The following ARHGAP32 variants were observed in gnomAD, a reference collection of about 807,000 sequenced individuals.
ARHGAP32 encodes Rho GTPase activating protein 32, also known as rho GTPase-activating protein 32.
ARHGAP32 carries 51 observed loss-of-function variants against 186.5 expected under a neutral mutation model. The observed-to-expected ratio is 0.27, with a 90% CI of 0.22 to 0.35. The LOEUF (loss-of-function observed/expected upper bound fraction) is 0.35, where lower values mean the gene tolerates loss of function less well. Ranked by LOEUF, ARHGAP32 falls within the 10% of genes least tolerant of loss-of-function variation. The pLI is 1.00. For synonymous variants in ARHGAP32, 950 were observed against 964.3 expected, an observed-to-expected ratio of 0.99 and a Z score of 0.27; for missense variants, 2,186 against 2,623.5, an observed-to-expected ratio of 0.83 and a Z score of 3.64.
intron 6 of ARHGAP32, among the ~76,000 whole-genome samples, chr11:129,070,691 A>T (rs1591587262): frequency 6.6e-6 from 1 of 152,094 alleles, no homozygotes; most frequent in East Asian, 1.9e-4. Flanking sequence ...CTTTTCTGTG[A>T]GTCTAAAATC....
intron 12 of ARHGAP32, among the ~76,000 whole-genome samples, chr11:128,994,184 C>T (rs483869): frequency 0.31 from 47,407 of 150,956 alleles, 7,706 homozygotes; most frequent in Non-Finnish European, 0.36. Flanking sequence ...GATGGAGTCT[C>T]GCTCTTGTTG....
intron 1 of ARHGAP32, among the ~76,000 whole-genome samples, chr11:129,235,699 C>T (rs2135649509): frequency 6.6e-6 from 1 of 152,144 alleles, no homozygotes; most frequent in East Asian, 1.9e-4. Flanking sequence ...TTTATCTCTC[C>T]CCCTTCCCCA....
At chr11:129,110,843 G>A (rs964009839) in intron 5 of ARHGAP32, among the ~76,000 whole-genome samples, 1 of 152,072 alleles carries the variant, frequency 6.6e-6, no homozygotes, top group African/African-American at 2.4e-5. Context: ...AGTCTTTAAG[G>A]TTTTCCTTAA....
In ARHGAP32 at chr11:129,123,583, TA is replaced by T; in HGVS notation, c.360-54del. 7.9e-6 allele frequency: 12 copies of T among 1,512,110 alleles called. No individual in the cohort carries two copies. The highest frequency in any genetic ancestry group is 9.1e-6 in the Non-Finnish European group (10 of 1,094,538). 93.7% of individuals were successfully genotyped at this position (1,512,110 alleles called of 1,614,324 possible). A position where few individuals can be genotyped will look rare whatever the true frequency, so the allele number is the denominator to read the frequency against. On this transcript the variant is annotated intron_variant, in intron 4 of 22. Transcript: ENST00000682385. This position sits in a 1 kb window ranked among gnomAD's most constrained non-coding sequence, Gnocchi z 4.6. ...GAGATAGTGAAACAGTAAAAATTAC[TA>T]AGTTTAAGGGAAAAATACAGTGGAT...
intron 2 of ARHGAP32, among the ~76,000 whole-genome samples, chr11:129,145,141 C>G (rs1208129795): frequency 6.6e-6 from 1 of 151,878 alleles, no homozygotes; most frequent in Non-Finnish European, 1.5e-5. Context: ...ATAATTTTAC[C>G]AGACATTTTA....
At chr11:128,981,783 ATTT>A (rs1945712831) in intron 16 of ARHGAP32, 43 bp downstream of exon 16, 2 of 1,379,774 alleles carry the variant, frequency 1.4e-6, no homozygotes, top group Admixed American at 3.8e-5. Context: ...TCAGCCTTTT[ATTT>A]AGGATTAGTT....
chr11:129,043,299 A>T (rs1415954491), intron 10 of ARHGAP32, among the ~76,000 whole-genome samples: 1 of 150,538 alleles, frequency 6.6e-6, no homozygotes, highest in African/African-American at 2.4e-5. Flanking sequence ...CTCTGGATTG[A>T]GTTGAATTAT....
rs1186680268 is a variant in ARHGAP32 at position 128,969,547 on chromosome 11, G to T, written c.5666C>A (p.Pro1889His). 2 of 1,614,154 alleles carry T rather than the reference G, an allele frequency of 1.2e-6. No individual in the cohort carries two copies. Among genetic ancestry groups the T allele is most frequent in the East Asian group, 4.5e-5 (2 of 44,878 alleles). Residue 1889 changes from proline (P) to histidine (H), a missense_variant, in exon 23 of 23, where the codon CCT becomes CAT. Pro to His is a moderately conservative substitution (Grantham distance 77). Around this residue, in one of 5 missense-constraint regions of ARHGAP32, gnomAD observed 1,502 missense variants for 1,570.0 expected, o/e 0.96. Coordinates refer to ENST00000682385, the MANE Select transcript of ARHGAP32 (RefSeq NM_001378024.1). The surrounding 1 kb of genome is among the most constrained non-coding windows in gnomAD (Gnocchi z 4.8). ...TGCTTCTTGGTGTGCCCTGTGCTCA[G>T]GAAGACTGCAGCCCATGTCAGGAAG... is the stretch of plus-strand genomic sequence containing the variant. ...RKLPDMGCSL[P>H]EHRAHQEASH...
chr11:129,032,191 G>A (rs983050876), intron 11 of ARHGAP32, among the ~76,000 whole-genome samples: 5 of 152,194 alleles, frequency 3.3e-5, no homozygotes, highest in Admixed American at 6.5e-5. Flanking sequence ...GGATGGCAAC[G>A]GTAAAAGAGC....
chr11:129,098,645 T>C (rs1484990440), intron 5 of ARHGAP32, among the ~76,000 whole-genome samples: 1 of 152,092 alleles, frequency 6.6e-6, no homozygotes, highest in Non-Finnish European at 1.5e-5. Flanking sequence ...GGTCTTGATC[T>C]CCTGACCCCG....
chr11:129,113,235 A>C (rs905669237), intron 5 of ARHGAP32, among the ~76,000 whole-genome samples: 21 of 152,198 alleles, frequency 1.4e-4, no homozygotes, highest in African/African-American at 4.6e-4. Flanking sequence ...CACAATGCAC[A>C]TACAGAGATG....
chr11:128,981,664 AC>A, intron 16 of ARHGAP32, 103 bp from the exon 17 acceptor site: 1 of 1,329,654 alleles, frequency 7.5e-7, no homozygotes, highest in East Asian at 2.4e-5. Context: ...AAGAAATCAT[AC>A]TTTTACTGTC....
chr11:129,152,851 A>G (rs2135456874), intron 2 of ARHGAP32, among the ~76,000 whole-genome samples: 1 of 152,264 alleles, frequency 6.6e-6, no homozygotes, highest in Non-Finnish European at 1.5e-5. Context: ...CACTTTCACC[A>G]CTTCTATTTA....
chr11:129,208,661 T>C (rs1024479963), intron 1 of ARHGAP32, among the ~76,000 whole-genome samples: 2 of 136,998 alleles, frequency 1.5e-5, no homozygotes, highest in East Asian at 4.1e-4. Flanking sequence ...TCTGTCATTT[T>C]CTTTTCTTTT....
At chr11:129,227,132 G>A (rs7939579) in intron 1 of ARHGAP32, among the ~76,000 whole-genome samples, 19,002 of 151,988 alleles carry the variant, frequency 0.13, 1,339 homozygotes, top group Non-Finnish European at 0.15. Flanking sequence ...GGAAGGGAAG[G>A]CACTATATGG....
intron 12 of ARHGAP32, among the ~76,000 whole-genome samples, chr11:128,997,407 A>G (rs1946229717): frequency 6.6e-6 from 1 of 151,968 alleles, no homozygotes; most frequent in Non-Finnish European, 1.5e-5. Flanking sequence ...GATACTATCA[A>G]CTCAGTATTA....
intron 1 of ARHGAP32, among the ~76,000 whole-genome samples, chr11:129,179,154 A>G (rs1403419031): frequency 1.3e-5 from 2 of 152,166 alleles, no homozygotes; most frequent in Non-Finnish European, 1.5e-5. Context: ...GACACTTCTC[A>G]AAAGAAGACA....
intron 2 of ARHGAP32, among the ~76,000 whole-genome samples, chr11:129,144,477 C>A (rs1943127953): frequency 6.6e-6 from 1 of 152,126 alleles, no homozygotes; most frequent in Non-Finnish European, 1.5e-5. Context: ...GAGCTCTGAA[C>A]TAAAAATAGT....
chr11:129,194,238 C>T (rs1390098041), upstream of ARHGAP32, among the ~76,000 whole-genome samples: 2 of 152,062 alleles, frequency 1.3e-5, no homozygotes. Flanking sequence ...AGCAATTTCT[C>T]TTTTAGGAAA....
Sources: gnomAD v4.1 joint callset for allele counts (sites outside exome capture counted in the v4.1 genomes callset) on GRCh38, gnomAD v4.1.1 for gene constraint, gnomAD v4.1.1 regional missense constraint, Gnocchi (gnomAD v3.1) non-coding constraint, MANE v1.5 for transcripts, NCBI Gene and HGNC (gene_info 2026-07-23, HGNC 2026-07-21) for gene names.